TASP1: variants seen among roughly 807,000 people sequenced by gnomAD.
TASP1 encodes the protein threonine aspartase 1.
In TASP1, 16 loss-of-function variants were observed where a neutral mutation model predicts 56.6. The ratio of observed to expected loss-of-function variants is 0.28; its 90% CI spans 0.19 to 0.43. TASP1 has a LOEUF of 0.43. TASP1 is among the 20% of genes least tolerant of loss of function. The probability of loss-of-function intolerance (pLI) is 1.00; values close to 1 mark genes in which losing one functional copy is unlikely to be tolerated. For missense variants in TASP1, 393 were observed against 511.6 expected (o/e 0.77, Z 2.24); for synonymous variants, 179 against 184.2 (o/e 0.97, Z 0.23).
chr20:13,273,084 T>C, the TASP1 span, among the ~76,000 whole-genome samples: 6 of 152,274 alleles, frequency 3.9e-5, 1 homozygote, highest in Non-Finnish European at 8.8e-5. Flanking sequence ...TGTTCCTTCA[T>C]TGGAAAGTTA....
the TASP1 span, among the ~76,000 whole-genome samples, chr20:13,116,617 A>G: frequency 2.3e-4 from 35 of 152,176 alleles, 1 homozygote; most frequent in Non-Finnish European, 4.4e-5. Context: ...CTGCCCTAGC[A>G]TGGAAGGTTC....
At chr20:13,129,870 G>T in the TASP1 span, among the ~76,000 whole-genome samples, 1 of 152,020 alleles carries the variant, frequency 6.6e-6, no homozygotes, top group African/African-American at 2.4e-5. Context: ...TATACCTAAA[G>T]AATTCTTTGG....
At chr20:13,323,323 C>T in the TASP1 span, among the ~76,000 whole-genome samples, 1 of 152,140 alleles carries the variant, frequency 6.6e-6, no homozygotes, top group South Asian at 2.1e-4. Flanking sequence ...TTACTGGAAA[C>T]ACAATGACTC....
At chr20:13,469,850 C>G (rs1478365528) in intron 11 of TASP1, among the ~76,000 whole-genome samples, 1 of 108,408 alleles carries the variant, frequency 9.2e-6, no homozygotes, top group East Asian at 2.9e-4. Flanking sequence ...GCTCTGTTGC[C>G]CAGGCTAGAA....
chr20:13,212,101 C>T, the TASP1 span, among the ~76,000 whole-genome samples: 1 of 152,126 alleles, frequency 6.6e-6, no homozygotes, highest in Non-Finnish European at 1.5e-5. Flanking sequence ...TCCTTTGCCT[C>T]CTAAGCATTA....
At chr20:13,519,498 T>C (rs1436678818) in intron 10 of TASP1, among the ~76,000 whole-genome samples, 1 of 152,180 alleles carries the variant, frequency 6.6e-6, no homozygotes, top group African/African-American at 2.4e-5. Flanking sequence ...ATCCAGCATA[T>C]AAACAGAACC....
chr20:13,382,873 A>G, the TASP1 span, among the ~76,000 whole-genome samples: 1 of 152,216 alleles, frequency 6.6e-6, no homozygotes, highest in East Asian at 1.9e-4. Flanking sequence ...AGAAAAATAA[A>G]GCAAAAAAGG....
intron 7 of TASP1, among the ~76,000 whole-genome samples, chr20:13,562,109 C>T (rs1045408234): frequency 6.6e-6 from 1 of 152,114 alleles, no homozygotes; most frequent in African/African-American, 2.4e-5. Context: ...CCAACTACAA[C>T]AGGATGGAGT....
chr20:13,529,598 T>A (rs1275161061), intron 9 of TASP1, among the ~76,000 whole-genome samples: 1 of 152,180 alleles, frequency 6.6e-6, no homozygotes, highest in African/African-American at 2.4e-5. Flanking sequence ...TAAAAAGTCT[T>A]TAAGAACAAA....
intron 13 of TASP1, among the ~76,000 whole-genome samples, chr20:13,396,525 C>T (rs952760887): frequency 6.6e-6 from 1 of 152,166 alleles, no homozygotes; most frequent in African/African-American, 2.4e-5. Flanking sequence ...GTTAGATGGT[C>T]TCTAGAGCAT....
the TASP1 span, chr20:13,126,683 A>G: frequency 6.2e-7 from 1 of 1,614,052 alleles, no homozygotes; most frequent in South Asian, 1.1e-5. Context: ...TCAGATCACT[A>G]AAACTTATCA....
chr20:13,518,412 T>C (rs1037934815), intron 10 of TASP1, among the ~76,000 whole-genome samples: 5 of 152,086 alleles, frequency 3.3e-5, no homozygotes, highest in Non-Finnish European at 5.9e-5. Flanking sequence ...ATGTATCTTC[T>C]AAAAGTATGA....
the TASP1 span, among the ~76,000 whole-genome samples, chr20:13,179,406 C>T: frequency 2.0e-4 from 29 of 143,506 alleles, no homozygotes; most frequent in East Asian, 4.1e-4. Context: ...GAATTATGTG[C>T]GTGTGTGTGT....
chr20:13,116,737 G>A, the TASP1 span, among the ~76,000 whole-genome samples: 1 of 152,200 alleles, frequency 6.6e-6, no homozygotes, highest in Admixed American at 6.5e-5. Context: ...TACAGCAGTG[G>A]CCCTCTATAT....
chr20:13,374,099 G>A, the TASP1 span, among the ~76,000 whole-genome samples: 1 of 152,024 alleles, frequency 6.6e-6, no homozygotes. Flanking sequence ...CTATTTTTAT[G>A]TCTATCTCTT....
chr20:13,346,458 T>A, the TASP1 span, among the ~76,000 whole-genome samples: 77 of 152,306 alleles, frequency 5.1e-4, 3 homozygotes, highest in South Asian at 0.015. Context: ...TTCTGCACCA[T>A]AATCTTCCCC....
chr20:13,594,578 C>A (rs75174885), intron 4 of TASP1, among the ~76,000 whole-genome samples: 2,935 of 152,100 alleles, frequency 0.019, 106 homozygotes, highest in African/African-American at 0.067. Flanking sequence ...TTGTGACACA[C>A]GCACAATCTT....
At chr20:13,626,363 G>A (rs1372081065) in intron 2 of TASP1, among the ~76,000 whole-genome samples, 1 of 152,158 alleles carries the variant, frequency 6.6e-6, no homozygotes, top group Non-Finnish European at 1.5e-5. Context: ...GGAGGCAGAG[G>A]TTGCAGTGAA....
the TASP1 span, among the ~76,000 whole-genome samples, chr20:13,203,149 G>C: frequency 6.6e-6 from 1 of 152,178 alleles, no homozygotes; most frequent in African/African-American, 2.4e-5. Flanking sequence ...CTGAGTGCTA[G>C]GGGTTGGGGA....
Sources: allele counts gnomAD v4.1 joint callset (sites outside exome capture counted in the v4.1 genomes callset), GRCh38; gene constraint gnomAD v4.1.1; transcripts MANE v1.5; gene names NCBI Gene and HGNC (gene_info 2026-07-23, HGNC 2026-07-21).